The following TSC22D2 variants were observed in gnomAD, a reference collection of about 807,000 sequenced individuals.
The protein encoded by TSC22D2 is TSC22 domain family protein 2.
TSC22D2 carries 5 observed loss-of-function variants against 50.1 expected under a neutral mutation model. The ratio of observed to expected loss-of-function variants is 0.10; its 90% CI spans 0.05 to 0.21. The LOEUF is 0.21. TSC22D2 is among the 10% of genes least tolerant of loss of function. The pLI, the probability that TSC22D2 is intolerant of heterozygous loss-of-function variation, is 1.00. For synonymous variants in TSC22D2, 501 were observed against 450.1 expected, an observed-to-expected ratio of 1.11 and a Z score of -1.43; for missense variants, 1,003 against 1,015.5, an observed-to-expected ratio of 0.99 and a Z score of 0.17.
At chr3:150,426,175 C>A (rs373008603) in intron 1 of TSC22D2, among the ~76,000 whole-genome samples, 1 of 152,126 alleles carries the variant, frequency 6.6e-6, no homozygotes, top group African/African-American at 2.4e-5. Flanking sequence ...TCTGCAGTAG[C>A]CCAAACTGTT....
chr3:150,423,857 G>T (rs1260129017), intron 1 of TSC22D2, among the ~76,000 whole-genome samples: 2 of 152,132 alleles, frequency 1.3e-5, no homozygotes, highest in African/African-American at 4.8e-5. Context: ...TAGAAGTTGA[G>T]TTCAAACAAT....
chr3:150,453,482 C>G (rs989365848), intron 1 of TSC22D2, among the ~76,000 whole-genome samples: 1 of 152,196 alleles, frequency 6.6e-6, no homozygotes, highest in African/African-American at 2.4e-5. Flanking sequence ...GTAAATATGG[C>G]TAAAGCAGTG....
At chr3:150,414,805 T>A (rs1338391213) in intron 1 of TSC22D2, among the ~76,000 whole-genome samples, 1 of 151,852 alleles carries the variant, frequency 6.6e-6, no homozygotes, top group Non-Finnish European at 1.5e-5. Flanking sequence ...GTCTTCGACC[T>A]CTGTTGTATG....
chr3:150,446,747 C>T (rs753264336), intron 1 of TSC22D2, among the ~76,000 whole-genome samples: 1 of 152,068 alleles, frequency 6.6e-6, no homozygotes, highest in Non-Finnish European at 1.5e-5. Context: ...TGAGTTTAGC[C>T]CTATTTTGAA....
rs1719377645 is a variant in TSC22D2, at chr3:150,408,965, C to CGCCGA, written c.-384_-383insCGAGC. The CGCCGA allele has an allele frequency of 5.7e-6, 1 of 174,474 alleles. No individual in the cohort carries two copies. 10.8% of individuals were successfully genotyped at this position (174,474 alleles called of 1,614,324 possible). A position where few individuals can be genotyped will look rare whatever the true frequency, so the allele number is the denominator to read the frequency against. On this transcript the variant is annotated 5_prime_UTR_variant, in exon 1 of 3. Transcript: ENST00000688009. Reference sequence around the variant, plus strand: ...CCACCCCCAGCCAAGGCCTGCTGACCGCGCCGAGCGCCGAGCTGGACTGAC... The same window carrying CGCCGA: ...CCACCCCCAGCCAAGGCCTGCTGACCGCCGAGCGCCGAGCGCCGAGCTGGACTGAC...
intron 1 of TSC22D2, among the ~76,000 whole-genome samples, chr3:150,437,094 A>G (rs551722860): frequency 6.6e-6 from 1 of 152,074 alleles, no homozygotes; most frequent in African/African-American, 2.4e-5. Flanking sequence ...TTCCTTTCCT[A>G]TGGGTTACTG....
At chr3:150,414,649 T>G (rs1350178784) in intron 1 of TSC22D2, among the ~76,000 whole-genome samples, 1 of 152,178 alleles carries the variant, frequency 6.6e-6, no homozygotes, top group South Asian at 2.1e-4. Context: ...ATTGTGAATG[T>G]TAAGTGGTGT....
At chr3:150,456,978 T>G in intron 1 of TSC22D2, 98 bp from the exon 2 acceptor site, 3 of 1,008,570 alleles carry the variant, frequency 3.0e-6, no homozygotes. Flanking sequence ...TACTGTATAT[T>G]TGGTTTTAAG....
chr3:150,420,753 A>G (rs188399027), intron 1 of TSC22D2, among the ~76,000 whole-genome samples: 138 of 152,388 alleles, frequency 9.1e-4, no homozygotes, highest in South Asian at 5.8e-3. Flanking sequence ...GATTCAAATT[A>G]AATATTTGTA....
At position 150,410,892 on chromosome 3, in the gene TSC22D2, C is replaced by A. The variant is rs769230344; in HGVS notation, c.1542C>A (p.Pro514=). 1 of 1,614,080 alleles carries A rather than the reference C, an allele frequency of 6.2e-7. No homozygotes were observed. The highest frequency in any genetic ancestry group is 2.2e-5 in the East Asian group (1 of 44,886). Residue 514 remains proline (P), a synonymous_variant, in exon 1 of 3, where the codon CCC becomes CCA. Coordinates refer to ENST00000688009, the MANE Select transcript of TSC22D2 (RefSeq NM_001303264.2). ...PGVPNVPAAV[P]APSVPSVSTT... Reference sequence around the variant, plus strand: ...TTCCAAACGTGCCTGCAGCCGTGCCCGCTCCAAGCGTGCCTAGTGTGTCTA... The same window carrying A: ...TTCCAAACGTGCCTGCAGCCGTGCCAGCTCCAAGCGTGCCTAGTGTGTCTA...
rs371900281 is a variant in TSC22D2 at position 150,410,938 on chromosome 3, A to G, written c.1588A>G (p.Asn530Asp). The G allele has an allele frequency of 5.6e-6, 9 of 1,613,994 alleles. No individual in the cohort carries two copies. Among genetic ancestry groups the G allele is most frequent in the South Asian group, 4.4e-5 (4 of 91,094 alleles). The change falls in exon 1 of 3, where the codon AAT becomes GAT. Residue 530 changes from asparagine to aspartate, a missense_variant. Physicochemically the swap from Asn to Asp is conservative, Grantham distance 23. Transcript: ENST00000688009. ...GTCTACCACTTCTGTTACTATGCCA[A>G]ATGTACCCGCGCCTCTGGCCCAGTC... ...SVSTTSVTMP[N>D]VPAPLAQSQQ...
At position 150,459,572 on chromosome 3, in the gene TSC22D2, G is replaced by GTTTTTTTTTTTTTTGT. The variant is rs11330414; in HGVS notation, c.*949_*950insTGTTTTTTTTTTTTTT. 2 of 115,560 alleles carry GTTTTTTTTTTTTTTGT rather than the reference G, an allele frequency of 1.7e-5. No individual in the cohort carries two copies. The highest frequency in any genetic ancestry group is 3.3e-5 in the African/African-American group (1 of 30,666). 7.2% of individuals were successfully genotyped at this position (115,560 alleles called of 1,614,324 possible). A position where few individuals can be genotyped will look rare whatever the true frequency, so the allele number is the denominator to read the frequency against. On this transcript the variant is annotated 3_prime_UTR_variant, in exon 3 of 3. Coordinates refer to ENST00000688009, the MANE Select transcript of TSC22D2 (RefSeq NM_001303264.2). Reference sequence around the variant, plus strand: ...TAATGGAGTTTGGTTTTTTTTTGTTGTTTTTTTTTTTTTGTCTTTTTTTTT... The same window carrying GTTTTTTTTTTTTTTGT: ...TAATGGAGTTTGGTTTTTTTTTGTTGTTTTTTTTTTTTTTGTTTTTTTTTTTTTTGTCTTTTTTTTT...
chr3:150,449,867 A>G (rs1441291555), intron 1 of TSC22D2, among the ~76,000 whole-genome samples: 2 of 152,058 alleles, frequency 1.3e-5, no homozygotes, highest in Non-Finnish European at 2.9e-5. Context: ...TCAGATGTTG[A>G]GTATTTTTTC....
chr3:150,443,778 A>C (rs1366701674), intron 1 of TSC22D2, among the ~76,000 whole-genome samples: 1 of 152,230 alleles, frequency 6.6e-6, no homozygotes, highest in Non-Finnish European at 1.5e-5. Flanking sequence ...ATAGATACTT[A>C]TGAGGCATGA....
At chr3:150,413,090 C>T (rs1719652453) in intron 1 of TSC22D2, among the ~76,000 whole-genome samples, 1 of 152,100 alleles carries the variant, frequency 6.6e-6, no homozygotes, top group African/African-American at 2.4e-5. Context: ...TTAGATTCCT[C>T]AGAACTTTAG....
At chr3:150,437,164 T>A (rs1330691425) in intron 1 of TSC22D2, among the ~76,000 whole-genome samples, 2 of 152,140 alleles carry the variant, frequency 1.3e-5, no homozygotes, top group Non-Finnish European at 2.9e-5. Flanking sequence ...ATGATATTAT[T>A]CAGTGATTAA....
At chr3:150,421,959 G>C (rs1720025229) in intron 1 of TSC22D2, among the ~76,000 whole-genome samples, 1 of 152,114 alleles carries the variant, frequency 6.6e-6, no homozygotes, top group South Asian at 2.1e-4. Flanking sequence ...ATAAACTCTG[G>C]AACTAGATTG....
At chr3:150,445,151 A>T (rs988113654) in intron 1 of TSC22D2, among the ~76,000 whole-genome samples, 8 of 151,860 alleles carry the variant, frequency 5.3e-5, no homozygotes, top group Non-Finnish European at 8.8e-5. Context: ...TCGAGATCCC[A>T]AAGAAGATCC....
intron 1 of TSC22D2, among the ~76,000 whole-genome samples, chr3:150,442,674 A>G (rs1048606552): frequency 1.3e-5 from 2 of 152,182 alleles, no homozygotes; most frequent in African/African-American, 2.4e-5. Flanking sequence ...GTCTAAAGTC[A>G]TATCTCGGTT....
Sources: allele counts gnomAD v4.1 joint callset (sites outside exome capture counted in the v4.1 genomes callset), GRCh38; gene constraint gnomAD v4.1.1; transcripts MANE v1.5; gene names NCBI Gene and HGNC (gene_info 2026-07-23, HGNC 2026-07-21).